TAFA5: variants seen among roughly 807,000 people sequenced by gnomAD.
TAFA5 encodes TAFA chemokine like family member 5, also known as chemokine-like protein TAFA-5.
In TAFA5, 6 loss-of-function variants were observed where a neutral mutation model predicts 15.3. That is an observed-to-expected ratio of 0.39 (90% CI 0.21 to 0.77). The LOEUF (loss-of-function observed/expected upper bound fraction) is 0.77. Among genes scored for constraint, TAFA5 ranks in the 30% least tolerant of loss-of-function variants. The pLI, the probability that TAFA5 is intolerant of heterozygous loss-of-function variation, is 0.41. For synonymous variants in TAFA5, 103 were observed against 80.7 expected (o/e 1.28, Z -1.48); for missense variants, 161 against 193.1 (o/e 0.83, Z 0.98).
chr22:48,574,624 C>A (rs553089836), intron 1 of TAFA5, among the ~76,000 whole-genome samples: 103 of 152,264 alleles, frequency 6.8e-4, no homozygotes, highest in African/African-American at 2.5e-3. Context: ...CCAGCACTGC[C>A]CCCACCCTGC....
intron 1 of TAFA5, among the ~76,000 whole-genome samples, chr22:48,565,560 C>A (rs953082359): frequency 6.6e-6 from 1 of 152,232 alleles, no homozygotes; most frequent in Non-Finnish European, 1.5e-5. Flanking sequence ...GATGTTTTCC[C>A]CCATCCATTG....
intron 1 of TAFA5, among the ~76,000 whole-genome samples, chr22:48,522,899 C>G (rs1921653816): frequency 6.6e-6 from 1 of 152,248 alleles, no homozygotes. Flanking sequence ...CACCACGTCC[C>G]TGTCCTGGGG....
intron 1 of TAFA5, among the ~76,000 whole-genome samples, chr22:48,527,002 T>C (rs976927988): frequency 6.6e-6 from 1 of 152,254 alleles, no homozygotes; most frequent in African/African-American, 2.4e-5. Context: ...TTATATCTCA[T>C]GATGAGGCCC....
chr22:48,635,557 C>T (rs74564835), intron 1 of TAFA5, among the ~76,000 whole-genome samples: 23,749 of 152,198 alleles, frequency 0.16, 2,458 homozygotes, highest in East Asian at 0.4. Context: ...GCAGCCCCTG[C>T]GTGTCTGTCT....
chr22:48,697,345 G>C (rs1194566847), intron 2 of TAFA5, among the ~76,000 whole-genome samples: 1 of 125,604 alleles, frequency 8.0e-6, no homozygotes, highest in Non-Finnish European at 1.8e-5. Context: ...CAGTGGTGAT[G>C]ATGATGATGA....
chr22:48,721,298 G>A (rs528009920), intron 3 of TAFA5, among the ~76,000 whole-genome samples: 4 of 152,226 alleles, frequency 2.6e-5, no homozygotes, highest in East Asian at 1.9e-4. Context: ...ATTTCAGCCC[G>A]CCCACTGCCT....
rs575635749 is a variant in TAFA5, at chr22:48,659,313, G to A, written c.262+12567G>A. Reference sequence around the variant, plus strand: ...TGGAGCCAGGAGGTCTACGGGGACCGTCTTGTGGAGGGAGGGAGACATTCA... The same window carrying A: ...TGGAGCCAGGAGGTCTACGGGGACCATCTTGTGGAGGGAGGGAGACATTCA... On this transcript the variant is annotated intron_variant, in intron 2 of 3. Transcript: ENST00000402357. Among the ~76,000 whole-genome samples, 21 of 152,370 alleles carry A rather than the reference G, an allele frequency of 1.4e-4. No homozygotes were observed. The South Asian group carries it at 3.7e-3, about 27-fold the overall frequency.
intron 1 of TAFA5, among the ~76,000 whole-genome samples, chr22:48,504,922 C>T (rs1033507909): frequency 6.6e-6 from 1 of 152,140 alleles, no homozygotes; most frequent in Admixed American, 6.5e-5. Context: ...CCCACCCTGC[C>T]CTGAGCCTCC....
At chr22:48,579,659 CTT>C (rs1285314138) in intron 1 of TAFA5, among the ~76,000 whole-genome samples, 5 of 152,258 alleles carry the variant, frequency 3.3e-5, no homozygotes, top group Non-Finnish European at 7.3e-5. Context: ...CTTCCAAAGA[CTT>C]TACAATATTT....
intron 1 of TAFA5, among the ~76,000 whole-genome samples, chr22:48,641,291 C>A (rs1411741872): frequency 6.6e-6 from 1 of 152,178 alleles, no homozygotes; most frequent in Non-Finnish European, 1.5e-5. Flanking sequence ...GTGACAAACA[C>A]CACCTATGGA....
chr22:48,525,177 T>G (rs1921736832), intron 1 of TAFA5, among the ~76,000 whole-genome samples: 1 of 152,096 alleles, frequency 6.6e-6, no homozygotes, highest in Middle Eastern at 3.2e-3. Flanking sequence ...AAACGTCCCT[T>G]TGCCATGTAG....
chr22:48,647,704 G>T (rs941496175), intron 2 of TAFA5, among the ~76,000 whole-genome samples: 6 of 129,892 alleles, frequency 4.6e-5, no homozygotes, highest in Admixed American at 4.0e-4. Context: ...AGACATGGGG[G>T]CTGCCATGGG....
At chr22:48,514,662 T>C (rs1328123829) in intron 1 of TAFA5, among the ~76,000 whole-genome samples, 1 of 152,142 alleles carries the variant, frequency 6.6e-6, no homozygotes, top group East Asian at 1.9e-4. Context: ...GCCAGGTGAC[T>C]TGTCCCGGTG....
intron 1 of TAFA5, among the ~76,000 whole-genome samples, chr22:48,575,214 G>C (rs1307793594): frequency 2.6e-5 from 4 of 152,140 alleles, no homozygotes; most frequent in African/African-American, 9.6e-5. Flanking sequence ...GCGCCAGCAG[G>C]GCCGGCTCTG....
At position 48,749,955 on chromosome 22, in the gene TAFA5, C is replaced by T. The variant is rs1930434938; in HGVS notation, c.*108C>T. The T allele has an allele frequency of 1.8e-6, 2 of 1,087,864 alleles. No homozygotes were observed. The highest frequency in any genetic ancestry group is 2.6e-5 in the East Asian group (1 of 38,818). 67.4% of individuals were successfully genotyped at this position (1,087,864 alleles called of 1,614,324 possible). On this transcript the variant is annotated 3_prime_UTR_variant, in exon 4 of 4. Coordinates refer to ENST00000402357, the MANE Select transcript of TAFA5 (RefSeq NM_001082967.3). ...CGGACTTCACCCGTTCTCTGCCGCC[C>T]GCCCACTCCGTTTCCCTGTGGTCCG...
intron 1 of TAFA5, among the ~76,000 whole-genome samples, chr22:48,644,535 G>T (rs1926796960): frequency 6.6e-6 from 1 of 152,198 alleles, no homozygotes; most frequent in South Asian, 2.1e-4. Context: ...CACTCCCCAG[G>T]GTTGAGGACA....
At chr22:48,548,300 G>A (rs1197789623) in intron 1 of TAFA5, among the ~76,000 whole-genome samples, 5 of 152,246 alleles carry the variant, frequency 3.3e-5, no homozygotes, top group Non-Finnish European at 7.3e-5. Flanking sequence ...GAAGCTGCCC[G>A]CCTCTCTGGG....
intron 1 of TAFA5, among the ~76,000 whole-genome samples, chr22:48,512,334 C>G (rs889225142): frequency 6.6e-6 from 1 of 152,224 alleles, no homozygotes; most frequent in Non-Finnish European, 1.5e-5. Flanking sequence ...TGGCCGGGAG[C>G]AGTGGCTCAC....
intron 1 of TAFA5, among the ~76,000 whole-genome samples, chr22:48,580,253 A>G (rs988837868): frequency 5.3e-5 from 8 of 152,356 alleles, no homozygotes; most frequent in African/African-American, 1.7e-4. Context: ...AACAAGGGGC[A>G]TGCTCAGCTC....
Sources: gnomAD v4.1 joint callset for allele counts (sites outside exome capture counted in the v4.1 genomes callset) on GRCh38, gnomAD v4.1.1 for gene constraint, MANE v1.5 for transcripts, NCBI Gene and HGNC (gene_info 2026-07-23, HGNC 2026-07-21) for gene names.